Variants in NHERF1 observed in about 807,000 individuals in gnomAD.
NHERF1 encodes the protein Na(+)/H(+) exchange regulatory cofactor NHE-RF1.
chr17:74,754,168 TA>T, the NHERF1 span, among the ~76,000 whole-genome samples: 16 of 145,302 alleles, frequency 1.1e-4, no homozygotes, highest in Non-Finnish European at 1.4e-4. Context: ...ATCTCCAAAA[TA>T]AAAAAAAAAG....
the NHERF1 span, chr17:74,768,629 GA>G: frequency 1.9e-6 from 3 of 1,614,060 alleles, no homozygotes; most frequent in South Asian, 3.3e-5. Context: ...ACTGGAGCAA[GA>G]AAAACGAACT....
the NHERF1 span, among the ~76,000 whole-genome samples, chr17:74,764,465 C>T: frequency 1.3e-5 from 2 of 152,140 alleles, no homozygotes; most frequent in Non-Finnish European, 2.9e-5. The surrounding 1 kb of genome is among the most constrained non-coding windows in gnomAD (Gnocchi z 4.9). Flanking sequence ...CCCTTATCTC[C>T]CAAGTTCATG....
At chr17:74,754,828 T>A in the NHERF1 span, among the ~76,000 whole-genome samples, 1 of 152,200 alleles carries the variant, frequency 6.6e-6, no homozygotes, top group East Asian at 1.9e-4. Context: ...TTTTCTCTAT[T>A]TTGTAGGTTG....
the NHERF1 span, among the ~76,000 whole-genome samples, chr17:74,767,359 C>A: frequency 4.6e-5 from 7 of 152,306 alleles, no homozygotes; most frequent in South Asian, 2.1e-4. Context: ...CCTCCTCCCC[C>A]CTTCCCTGGG....
the NHERF1 span, among the ~76,000 whole-genome samples, chr17:74,759,647 T>G: frequency 6.6e-6 from 1 of 152,346 alleles, no homozygotes; most frequent in Admixed American, 6.5e-5. Context: ...GGTTGTGGTT[T>G]CTTCAGCTCC....
chr17:74,767,051 G>A, the NHERF1 span: 2 of 1,426,992 alleles, frequency 1.4e-6, no homozygotes, highest in Non-Finnish European at 2.0e-6. Context: ...TGCTGTGGTT[G>A]GTAGGATAGC....
At chr17:74,749,748 A>G in the NHERF1 span, among the ~76,000 whole-genome samples, 3 of 152,294 alleles carry the variant, frequency 2.0e-5, no homozygotes, top group African/African-American at 7.2e-5. This position sits in a 1 kb window ranked among gnomAD's most constrained non-coding sequence, Gnocchi z 5.6. Context: ...TTCAAAAGCT[A>G]GAGGAATAGC....
the NHERF1 span, among the ~76,000 whole-genome samples, chr17:74,751,794 G>A: frequency 2.0e-5 from 3 of 152,230 alleles, no homozygotes; most frequent in Admixed American, 6.5e-5. This position sits in a 1 kb window ranked among gnomAD's most constrained non-coding sequence, Gnocchi z 4.3. Flanking sequence ...TCAGAGTGCC[G>A]GCCGGGCAGA....
chr17:74,763,427 G>T, the NHERF1 span: 1 of 1,614,130 alleles, frequency 6.2e-7, no homozygotes, highest in African/African-American at 1.3e-5. Flanking sequence ...CATCAGGGCT[G>T]GCGGGGACGA....
chr17:74,765,942 GA>G, the NHERF1 span, among the ~76,000 whole-genome samples: 1 of 152,086 alleles, frequency 6.6e-6, no homozygotes, highest in South Asian at 2.1e-4. Context: ...GAAGCGTTTG[GA>G]AAATGTTGAT....
chr17:74,752,162 T>G, the NHERF1 span, among the ~76,000 whole-genome samples: 4 of 152,116 alleles, frequency 2.6e-5, no homozygotes, highest in Non-Finnish European at 5.9e-5. Context: ...TGGCCAGGTG[T>G]GGTGGCTCAC....
At chr17:74,763,205 A>T in the NHERF1 span, 1 of 613,692 alleles carries the variant, frequency 1.6e-6, no homozygotes, top group Non-Finnish European at 2.8e-6. Flanking sequence ...CCCCCAGCCT[A>T]GTTCAGGACT....
chr17:74,767,786 C>T, the NHERF1 span, among the ~76,000 whole-genome samples: 1 of 152,156 alleles, frequency 6.6e-6, no homozygotes, highest in Non-Finnish European at 1.5e-5. Context: ...CTCCCCATGC[C>T]CCCATGTGTC....
chr17:74,754,399 C>CTTTCT, the NHERF1 span, among the ~76,000 whole-genome samples: 11 of 59,684 alleles, frequency 1.8e-4, no homozygotes, highest in South Asian at 7.6e-4. Flanking sequence ...TTCTTTCTTT[C>CTTTCT]TTTTTTTTTT....
chr17:74,768,926 G>C, the NHERF1 span: 2 of 495,746 alleles, frequency 4.0e-6, no homozygotes, highest in Non-Finnish European at 7.4e-6. Context: ...CACCCTGCCT[G>C]GGACATCGCT....
chr17:74,756,273 CTTTTTTTTTT>C, the NHERF1 span, among the ~76,000 whole-genome samples: 10 of 72,016 alleles, frequency 1.4e-4, no homozygotes, highest in East Asian at 1.2e-3. Flanking sequence ...TTCTTTCTTT[CTTTTTTTTTT>C]TTTTTTTTTT....
At chr17:74,751,731 T>TC in the NHERF1 span, among the ~76,000 whole-genome samples, 1 of 151,942 alleles carries the variant, frequency 6.6e-6, no homozygotes, top group African/African-American at 2.4e-5. The surrounding 1 kb of genome is among the most constrained non-coding windows in gnomAD (Gnocchi z 4.3). Flanking sequence ...AAAGCCCTCC[T>TC]CCCCCCATTC....
the NHERF1 span, chr17:74,766,990 C>A: frequency 6.2e-7 from 1 of 1,613,238 alleles, no homozygotes. Context: ...AGGGCGGGTC[C>A]CCTGTCTCTT....
At chr17:74,767,994 C>T in the NHERF1 span, 7 of 755,520 alleles carry the variant, frequency 9.3e-6, no homozygotes, top group African/African-American at 1.0e-4. Context: ...GGAGCCCCAG[C>T]AGGCTCAGGA....
Sources: allele counts gnomAD v4.1 joint callset (sites outside exome capture counted in the v4.1 genomes callset), GRCh38; gene constraint gnomAD v4.1.1; non-coding constraint Gnocchi (gnomAD v3.1); transcripts MANE v1.5; gene names NCBI Gene and HGNC (gene_info 2026-07-23, HGNC 2026-07-21).